Variants in ATP9B observed in about 807,000 individuals in gnomAD.
ATP9B encodes the protein ATPase phospholipid transporting 9B.
Under a neutral mutation model 146.1 loss-of-function variants are expected in ATP9B, and 110 were observed. The observed-to-expected ratio is 0.75, with a 90% CI of 0.65 to 0.88. The LOEUF (loss-of-function observed/expected upper bound fraction) is 0.88. Among genes scored for constraint, ATP9B ranks in the 40% least tolerant of loss-of-function variants. The pLI, the probability that ATP9B is intolerant of heterozygous loss-of-function variation, is 0.00. For missense variants in ATP9B, 1,499 were observed against 1,496.4 expected, an observed-to-expected ratio of 1.00 and a Z score of -0.03; for synonymous variants, 604 against 569.7, an observed-to-expected ratio of 1.06 and a Z score of -0.86.
chr18:79,232,001 G>A (rs2095797763), intron 11 of ATP9B, among the ~76,000 whole-genome samples: 1 of 152,010 alleles, frequency 6.6e-6, no homozygotes, highest in African/African-American at 2.4e-5. Context: ...TGGACTTTGG[G>A]GACTTGGGGG....
intron 7 of ATP9B, among the ~76,000 whole-genome samples, chr18:79,175,768 A>G (rs1568335069): frequency 1.3e-5 from 2 of 151,968 alleles, no homozygotes; most frequent in African/African-American, 4.8e-5. Flanking sequence ...GTACACATGC[A>G]TGTGCACACA....
In ATP9B at chr18:79,377,625, C is replaced by G. The variant is rs185372933; in HGVS notation, c.*242C>G. On this transcript the variant is annotated 3_prime_UTR_variant, in exon 30 of 30. Coordinates refer to ENST00000426216, the MANE Select transcript of ATP9B (RefSeq NM_198531.5). The stretch of plus-strand genomic sequence containing the variant: ...CCAGGATGGCTTCTCCCTCTCAGTG[C>G]GAGGCTTCACCCCTGCCAGGCAAGC... The G allele has an allele frequency of 9.7e-6, 5 of 512,980 alleles. No homozygotes were observed. In the African/African-American group the frequency reaches 1.1e-4, roughly 11 times the overall value. 31.8% of individuals were successfully genotyped at this position (512,980 alleles called of 1,614,324 possible).
intron 10 of ATP9B, among the ~76,000 whole-genome samples, chr18:79,211,346 C>T (rs1009086750): frequency 2.0e-5 from 3 of 152,166 alleles, no homozygotes; most frequent in Non-Finnish European, 4.4e-5. Context: ...AAGGAAGGCA[C>T]ATAGTAACTA....
intron 9 of ATP9B, among the ~76,000 whole-genome samples, chr18:79,196,174 G>A (rs2095416154): frequency 6.6e-6 from 1 of 152,228 alleles, no homozygotes; most frequent in Non-Finnish European, 1.5e-5. Flanking sequence ...GGGGAAGAAT[G>A]TGTGAGTGGA....
intron 7 of ATP9B, among the ~76,000 whole-genome samples, chr18:79,169,897 A>G (rs1318975738): frequency 6.6e-6 from 1 of 152,092 alleles, no homozygotes; most frequent in Non-Finnish European, 1.5e-5. Context: ...CTGTTTACCT[A>G]TTTTTTCATT....
At chr18:79,275,827 A>T (rs957731196) in intron 12 of ATP9B, among the ~76,000 whole-genome samples, 3 of 152,232 alleles carry the variant, frequency 2.0e-5, no homozygotes, top group African/African-American at 7.2e-5. Context: ...GTGCTGGTTT[A>T]AAAAGCTGTG....
At chr18:79,172,006 A>T (rs1163969383) in intron 7 of ATP9B, among the ~76,000 whole-genome samples, 3 of 152,174 alleles carry the variant, frequency 2.0e-5, no homozygotes, top group Admixed American at 6.5e-5. Context: ...CTCCTGCCTC[A>T]GCCTCCTGAG....
In ATP9B at chr18:79,253,422, G is replaced by T. The variant is rs199718576; in HGVS notation, c.1149G>T (p.Ala383=). ...LDLELNRLTK[A]LFLALVALSI... ...TTGAACTCAATCGGCTGACGAAAGC[G>T]CTATTTTTGGCTTTAGTTGCTCTTT... Residue 383 remains alanine, a synonymous_variant, in exon 12 of 30, where the codon GCG becomes GCT. Transcript: ENST00000426216. The T allele has an allele frequency of 4.3e-6, 7 of 1,612,712 alleles. No individual in the cohort carries two copies. The East Asian group carries it at 1.6e-4, about 36-fold the overall frequency.
intron 5 of ATP9B, among the ~76,000 whole-genome samples, chr18:79,128,052 CTTTTTTT>C (rs1173565651): frequency 1.4e-5 from 1 of 71,722 alleles, no homozygotes; most frequent in Middle Eastern, 0.012. Context: ...CCTTTGCCGA[CTTTTTTT>C]TTTTTTTTTT....
At chr18:79,120,274 T>C (rs983156026) in intron 4 of ATP9B, among the ~76,000 whole-genome samples, 1 of 152,228 alleles carries the variant, frequency 6.6e-6, no homozygotes, top group Non-Finnish European at 1.5e-5. Flanking sequence ...AGATTTCTTC[T>C]AGCCAAAATC....
chr18:79,177,021 T>C, intron 8 of ATP9B, 114 bp downstream of exon 8: 1 of 851,280 alleles, frequency 1.2e-6, no homozygotes, highest in Non-Finnish European at 1.8e-6. Flanking sequence ...ATTTGTTTTA[T>C]AATTTCTTTA....
chr18:79,199,577 A>G lies in ATP9B; in HGVS notation c.954+6314A>G, dbSNP rs1451837505. On this transcript the variant is annotated intron_variant, in intron 9 of 29. Transcript: ENST00000426216. ...GAGATTGAGGAGACCATCCTGGCCC[A>G]TATGGTGAAACCCCATCTCTACTAA... is the stretch of plus-strand genomic sequence containing the variant. Among the ~76,000 whole-genome samples the G allele has an allele frequency of 2.6e-5, 4 of 151,804 alleles. No individual in the cohort carries two copies. In the East Asian group the frequency reaches 5.9e-4, roughly 22 times the overall value.
At chr18:79,292,244 C>T (rs2096511920) in intron 13 of ATP9B, among the ~76,000 whole-genome samples, 1 of 152,136 alleles carries the variant, frequency 6.6e-6, no homozygotes, top group South Asian at 2.1e-4. Flanking sequence ...AAGGTGGCGT[C>T]CACATTGTAA....
chr18:79,162,386 A>G (rs1220101136), intron 7 of ATP9B, among the ~76,000 whole-genome samples: 1 of 152,190 alleles, frequency 6.6e-6, no homozygotes, highest in Non-Finnish European at 1.5e-5. Context: ...TTACTTCATC[A>G]CTTTCTTAAT....
chr18:79,290,971 A>G (rs1286926250), intron 13 of ATP9B, among the ~76,000 whole-genome samples: 1 of 152,160 alleles, frequency 6.6e-6, no homozygotes, highest in Admixed American at 6.5e-5. Flanking sequence ...GGTGAGGCCA[A>G]TTCACAATTC....
At chr18:79,281,863 A>G (rs982773267) in intron 13 of ATP9B, among the ~76,000 whole-genome samples, 1 of 152,240 alleles carries the variant, frequency 6.6e-6, no homozygotes, top group Non-Finnish European at 1.5e-5. Flanking sequence ...GTCTCTACTA[A>G]TGGATCTACT....
chr18:79,371,968 C>T (rs1238275404), intron 26 of ATP9B, among the ~76,000 whole-genome samples: 1 of 152,240 alleles, frequency 6.6e-6, no homozygotes, highest in African/African-American at 2.4e-5. Flanking sequence ...TAAATGGAAA[C>T]GACGTCTGCT....
intron 1 of ATP9B, among the ~76,000 whole-genome samples, chr18:79,075,910 C>A (rs1053909249): frequency 6.6e-6 from 1 of 152,060 alleles, no homozygotes; most frequent in Non-Finnish European, 1.5e-5. Context: ...TTATCTATAG[C>A]GTTCTTCAGT....
chr18:79,161,017 G>A (rs892301220), intron 7 of ATP9B, among the ~76,000 whole-genome samples: 28 of 151,804 alleles, frequency 1.8e-4, no homozygotes, highest in African/African-American at 6.8e-4. Context: ...CGATCCACCT[G>A]CCTTGGCCTC....
Sources: allele counts gnomAD v4.1 joint callset (sites outside exome capture counted in the v4.1 genomes callset), GRCh38; gene constraint gnomAD v4.1.1; transcripts MANE v1.5; gene names NCBI Gene and HGNC (gene_info 2026-07-23, HGNC 2026-07-21).